NR6A1: variants seen among roughly 807,000 people sequenced by gnomAD.
The protein encoded by NR6A1 is nuclear receptor subfamily 6 group A member 1.
Under a neutral mutation model 59.1 loss-of-function variants are expected in NR6A1, and 7 were observed. The observed-to-expected ratio is 0.12, with a 90% CI of 0.07 to 0.22. The LOEUF (loss-of-function observed/expected upper bound fraction) is 0.22. Among genes scored for constraint, NR6A1 ranks in the 10% least tolerant of loss-of-function variants. The pLI, the probability that NR6A1 is intolerant of heterozygous loss-of-function variation, is 1.00. For missense variants in NR6A1, 468 were observed against 611.6 expected, an observed-to-expected ratio of 0.77 and a Z score of 2.48; for synonymous variants, 243 against 236.1, an observed-to-expected ratio of 1.03 and a Z score of -0.27.
intron 2 of NR6A1, among the ~76,000 whole-genome samples, chr9:124,670,649 G>A (rs2130966147): frequency 6.6e-6 from 1 of 152,262 alleles, no homozygotes; most frequent in East Asian, 1.9e-4. Context: ...AGCATGATCA[G>A]GGAAGAAATT....
At chr9:124,674,347 C>G (rs1343346663) in intron 2 of NR6A1, among the ~76,000 whole-genome samples, 1 of 152,144 alleles carries the variant, frequency 6.6e-6, no homozygotes, top group African/African-American at 2.4e-5. Context: ...TGAAATGGTA[C>G]AGTGCAGCAA....
chr9:124,623,757 C>T (rs189579084), intron 2 of NR6A1, among the ~76,000 whole-genome samples: 44 of 152,264 alleles, frequency 2.9e-4, no homozygotes, highest in African/African-American at 9.4e-4. Flanking sequence ...CTAGCCCTAC[C>T]TCAGCTGTAC....
At position 124,647,297 on chromosome 9, in the gene NR6A1, C is replaced by T. The variant is rs78797026; in HGVS notation, c.142+86011G>A. Among the ~76,000 whole-genome samples, 105 of 152,146 alleles carry T rather than the reference C, an allele frequency of 6.9e-4. 1 individual carries two copies. The East Asian group carries it at 0.016, about 23-fold the overall frequency. ...AAAAGAGAGAAGTTTCAAATAAAGA[C>T]CCAAATCAGAGATGAAAAGGGAGAC... On this transcript the variant is annotated intron_variant, in intron 2 of 9. Coordinates refer to ENST00000487099, the MANE Select transcript of NR6A1 (RefSeq NM_033334.4).
intron 2 of NR6A1, chr9:124,598,778 C>A: frequency 1.1e-6 from 1 of 921,828 alleles, no homozygotes; most frequent in South Asian, 1.3e-5. Context: ...GCTTTTCCGC[C>A]ACTTTTTCGG....
intron 2 of NR6A1, among the ~76,000 whole-genome samples, chr9:124,623,986 C>G (rs1172518818): frequency 6.6e-6 from 1 of 152,134 alleles, no homozygotes; most frequent in Non-Finnish European, 1.5e-5. Flanking sequence ...TCTTTTAAGT[C>G]TGAATGTAAG....
At chr9:124,527,874 C>T (rs1832984221) in intron 7 of NR6A1, among the ~76,000 whole-genome samples, 1 of 152,140 alleles carries the variant, frequency 6.6e-6, no homozygotes, top group South Asian at 2.1e-4. Context: ...TACCATAAAA[C>T]CAAGGAGGCA....
chr9:124,720,732 C>T (rs1479013512), intron 2 of NR6A1, among the ~76,000 whole-genome samples: 1 of 152,110 alleles, frequency 6.6e-6, no homozygotes, highest in Non-Finnish European at 1.5e-5. Flanking sequence ...TCAGTTAGAA[C>T]TGAGTTATTA....
At chr9:124,599,620 T>C (rs766980061) in intron 2 of NR6A1, 7 of 1,176,298 alleles carry the variant, frequency 6.0e-6, no homozygotes, top group Non-Finnish European at 7.6e-6. Flanking sequence ...GAGTCGGTCG[T>C]CGCCGGCTCC....
At chr9:124,586,438 C>T (rs1178000101) in intron 2 of NR6A1, among the ~76,000 whole-genome samples, 1 of 151,302 alleles carries the variant, frequency 6.6e-6, no homozygotes. Context: ...GCTGCAATTG[C>T]ATGATAATTT....
chr9:124,535,871 G>A lies in NR6A1; in HGVS notation c.1079+7C>T. On this transcript the variant is annotated splice_region_variant and intron_variant, in intron 7 of 9. Coordinates refer to ENST00000487099, the MANE Select transcript of NR6A1 (RefSeq NM_033334.4). ...TTGGTATTTCCTCCCCAGCCAGGAGGCCTCACCTGTGTAGTTCTTCATCGG... is the reference window on the plus strand; with the variant it reads ...TTGGTATTTCCTCCCCAGCCAGGAGACCTCACCTGTGTAGTTCTTCATCGG... 3.1e-6 allele frequency: 5 copies of A among 1,614,006 alleles called. No homozygotes were observed. Among genetic ancestry groups the A allele is most frequent in the Non-Finnish European group, 4.2e-6 (5 of 1,179,876 alleles).
chr9:124,593,896 TA>T (rs1588695110), intron 2 of NR6A1, among the ~76,000 whole-genome samples: 1 of 152,148 alleles, frequency 6.6e-6, no homozygotes, highest in East Asian at 1.9e-4. Context: ...GCTTAAGAAA[TA>T]AGACTTCCTG....
intron 2 of NR6A1, among the ~76,000 whole-genome samples, chr9:124,572,759 A>G (rs1476838000): frequency 6.6e-6 from 1 of 152,220 alleles, no homozygotes; most frequent in South Asian, 2.1e-4. Flanking sequence ...CAAGCTATAG[A>G]CAAACTGGAG....
intron 2 of NR6A1, among the ~76,000 whole-genome samples, chr9:124,729,882 G>C (rs575149277): frequency 1.5e-4 from 23 of 150,288 alleles, no homozygotes; most frequent in African/African-American, 5.4e-4. Context: ...GCACGATCTC[G>C]GCTTACCGCA....
intron 2 of NR6A1, among the ~76,000 whole-genome samples, chr9:124,640,871 A>G (rs372574317): frequency 5.9e-5 from 9 of 152,328 alleles, no homozygotes; most frequent in African/African-American, 1.9e-4. Context: ...CCCTAATTCT[A>G]TAAATGGGCT....
Position 124,521,562 on chromosome 9 carries a change from T to A in NR6A1, c.*1143A>T, listed in dbSNP as rs542121358. 6.6e-6 allele frequency: 1 copy of A among 152,242 alleles called. No individual in the cohort carries two copies. Among genetic ancestry groups the A allele is most frequent in the South Asian group, 2.1e-4 (1 of 4,834 alleles). The allele number at this position is 152,242 out of a possible 1,614,324, so 9.4% of individuals were successfully genotyped here. On this transcript the variant is annotated 3_prime_UTR_variant, in exon 10 of 10. Coordinates refer to ENST00000487099, the MANE Select transcript of NR6A1 (RefSeq NM_033334.4). ...TTCTGGTCAGCAGACAGGTGAATGGTCCTTCTCATTGTTTAAAAAAGCCTG... is the reference window on the plus strand; with the variant it reads ...TTCTGGTCAGCAGACAGGTGAATGGACCTTCTCATTGTTTAAAAAAGCCTG...
At chr9:124,522,896 G>T in intron 9 of NR6A1, 103 bp from the exon 10 acceptor site, 1 of 843,066 alleles carries the variant, frequency 1.2e-6, no homozygotes, top group Non-Finnish European at 1.9e-6. Context: ...CTTGCTGAGT[G>T]ACTGGGGCAA....
chr9:124,609,004 A>G (rs934644898), intron 2 of NR6A1, among the ~76,000 whole-genome samples: 8 of 152,012 alleles, frequency 5.3e-5, no homozygotes, highest in African/African-American at 1.7e-4. Context: ...TTCCTTTTAA[A>G]TTTGATTAAG....
intron 2 of NR6A1, among the ~76,000 whole-genome samples, chr9:124,568,473 ACT>A (rs1440965258): frequency 6.6e-6 from 1 of 150,960 alleles, no homozygotes. Context: ...ACACAGCAAG[ACT>A]CTGTCTCAAA....
chr9:124,599,642 G>A, intron 2 of NR6A1: 1 of 1,162,534 alleles, frequency 8.6e-7, no homozygotes, highest in South Asian at 1.5e-5. Flanking sequence ...CGGCCTCTCG[G>A]CGACTACTCG....
Sources: allele counts gnomAD v4.1 joint callset (sites outside exome capture counted in the v4.1 genomes callset), GRCh38; gene constraint gnomAD v4.1.1; transcripts MANE v1.5; gene names NCBI Gene and HGNC (gene_info 2026-07-23, HGNC 2026-07-21).